The following EYA4 variants were observed in gnomAD, a reference collection of about 807,000 sequenced individuals.
EYA4 encodes protein phosphatase EYA4.
In EYA4, 31 loss-of-function variants were observed where a neutral mutation model predicts 87.9. The ratio of observed to expected loss-of-function variants is 0.35; its 90% CI spans 0.27 to 0.48. The LOEUF (loss-of-function observed/expected upper bound fraction) is 0.48. Among genes scored for constraint, EYA4 ranks in the 20% least tolerant of loss-of-function variants. The pLI is 0.99. For synonymous variants in EYA4, 263 were observed against 270.6 expected, an observed-to-expected ratio of 0.97 and a Z score of 0.28; for missense variants, 678 against 761.4, an observed-to-expected ratio of 0.89 and a Z score of 1.29.
chr6:133,347,989 G>A (rs188374964), intron 2 of EYA4, among the ~76,000 whole-genome samples: 1 of 152,312 alleles, frequency 6.6e-6, no homozygotes, highest in East Asian at 1.9e-4. Context: ...ATATTGGATA[G>A]GTCAAAGAGT....
At chr6:133,280,043 G>T (rs1163517376) in intron 2 of EYA4, among the ~76,000 whole-genome samples, 1 of 152,118 alleles carries the variant, frequency 6.6e-6, no homozygotes, top group African/African-American at 2.4e-5. Flanking sequence ...AGGCATACTT[G>T]TACTGAATAT....
At chr6:133,302,649 AACTT>A (rs1370820866) in intron 2 of EYA4, among the ~76,000 whole-genome samples, 3 of 152,214 alleles carry the variant, frequency 2.0e-5, no homozygotes, top group Non-Finnish European at 2.9e-5. Flanking sequence ...CTTACACAAC[AACTT>A]ACTATTTATC....
intron 2 of EYA4, among the ~76,000 whole-genome samples, chr6:133,366,823 C>T (rs538941182): frequency 3.2e-4 from 48 of 152,236 alleles, no homozygotes; most frequent in African/African-American, 6.3e-4. Flanking sequence ...TTCAAAGTAG[C>T]AATTTAGGGG....
intron 3 of EYA4, among the ~76,000 whole-genome samples, chr6:133,399,796 T>A (rs1206771560): frequency 1.3e-5 from 2 of 152,128 alleles, no homozygotes; most frequent in African/African-American, 4.8e-5. Context: ...ATTTCCAGAG[T>A]AGGTTTCTTA....
chr6:133,412,073 G>A (rs1054494967), intron 3 of EYA4, among the ~76,000 whole-genome samples: 6 of 152,148 alleles, frequency 3.9e-5, no homozygotes, highest in Non-Finnish European at 7.4e-5. Context: ...AAAGTAGAGG[G>A]TTATTAAGCT....
At chr6:133,334,784 T>A (rs1401481369) in intron 2 of EYA4, among the ~76,000 whole-genome samples, 1 of 152,172 alleles carries the variant, frequency 6.6e-6, no homozygotes, top group Non-Finnish European at 1.5e-5. Flanking sequence ...ACTCTGAAGA[T>A]CTTGGTAAGT....
chr6:133,493,785 G>A (rs1797394534), intron 13 of EYA4, among the ~76,000 whole-genome samples: 1 of 152,082 alleles, frequency 6.6e-6, no homozygotes, highest in Admixed American at 6.5e-5. Context: ...CAAGAAATTT[G>A]AATAGATATT....
In EYA4 at chr6:133,377,603, TGGC is replaced by T. The variant is rs1264815331; in HGVS notation, c.34-4786_34-4784del. ...TTTTTTTTGGCTGTTTTTGGGGTGG[TGGC>T]GGAGGTGGATGCTAGAGATATCTGG... On this transcript the variant is annotated intron_variant, in intron 2 of 19. Coordinates refer to ENST00000355286, the MANE Select transcript of EYA4 (RefSeq NM_004100.5). Among the ~76,000 whole-genome samples the T allele has an allele frequency of 3.1e-5, 4 of 130,146 alleles. No homozygotes were observed. The East Asian group carries it at 9.3e-4, about 30-fold the overall frequency. The allele number at this position is 130,146 out of a possible 152,430, so 85.4% of individuals were successfully genotyped here.
At chr6:133,433,603 C>G (rs1021366599) in intron 3 of EYA4, among the ~76,000 whole-genome samples, 8 of 152,172 alleles carry the variant, frequency 5.3e-5, no homozygotes, top group Non-Finnish European at 8.8e-5. Context: ...ATCCACCCAC[C>G]TTGGCCTCCC....
intron 3 of EYA4, among the ~76,000 whole-genome samples, chr6:133,429,880 A>G (rs140878209): frequency 2.2e-4 from 33 of 152,286 alleles, no homozygotes; most frequent in African/African-American, 7.7e-4. Context: ...TATAATTTCA[A>G]CTTTTAGAAT....
chr6:133,526,933 G>A (rs1800687809), intron 19 of EYA4, among the ~76,000 whole-genome samples: 1 of 152,126 alleles, frequency 6.6e-6, no homozygotes, highest in African/African-American at 2.4e-5. Flanking sequence ...ATATAATTCA[G>A]TTTTCCAAAC....
chr6:133,468,563 C>T lies in EYA4; in HGVS notation c.805-3C>T, dbSNP rs1395282852. 2 of 1,604,758 alleles carry T rather than the reference C, an allele frequency of 1.2e-6. No homozygotes were observed. The highest frequency in any genetic ancestry group is 1.3e-5 in the African/African-American group (1 of 74,494). On this transcript the variant is annotated splice_region_variant and splice_polypyrimidine_tract_variant and intron_variant, in intron 10 of 19. Transcript: ENST00000355286. ...AACACACACATCTCAATTATTGTTT[C>T]AGGATTATCCATCCTATACAGCCTT... is the stretch of plus-strand genomic sequence containing the variant.
chr6:133,469,423 G>A (rs960899949), intron 11 of EYA4, among the ~76,000 whole-genome samples: 3 of 151,940 alleles, frequency 2.0e-5, no homozygotes, highest in Non-Finnish European at 2.9e-5. Context: ...AAATAAGAAC[G>A]AAGTTTGAAG....
At chr6:133,346,146 T>C (rs1489343499) in intron 2 of EYA4, among the ~76,000 whole-genome samples, 1 of 152,206 alleles carries the variant, frequency 6.6e-6, no homozygotes. Flanking sequence ...TTGATATGAT[T>C]GAAGTGATTG....
chr6:133,467,954 A>G (rs1006310005), intron 10 of EYA4, among the ~76,000 whole-genome samples: 3 of 152,120 alleles, frequency 2.0e-5, no homozygotes, highest in African/African-American at 7.2e-5. Flanking sequence ...AAACTAAATC[A>G]TTGAAAAGTT....
At chr6:133,480,046 A>T (rs1408593479) in intron 11 of EYA4, among the ~76,000 whole-genome samples, 1 of 152,200 alleles carries the variant, frequency 6.6e-6, no homozygotes. Flanking sequence ...TTTATATGTG[A>T]GTCATCACAG....
intron 13 of EYA4, among the ~76,000 whole-genome samples, chr6:133,483,566 A>C (rs1796415542): frequency 6.6e-6 from 1 of 151,924 alleles, no homozygotes; most frequent in Non-Finnish European, 1.5e-5. Context: ...CTGTGACTTG[A>C]GTACACATAT....
At chr6:133,502,072 ACTCTCT>A (rs767862152) in intron 13 of EYA4, among the ~76,000 whole-genome samples, 1 of 120,000 alleles carries the variant, frequency 8.3e-6, no homozygotes, top group African/African-American at 3.1e-5. Context: ...TCTCTCTCTC[ACTCTCT>A]CTCTCTCTCT....
chr6:133,452,298 T>C (rs117670094), intron 5 of EYA4, among the ~76,000 whole-genome samples: 2 of 152,258 alleles, frequency 1.3e-5, no homozygotes, highest in Non-Finnish European at 2.9e-5. Context: ...ATGGACACCT[T>C]AAACTGGTGC....
Sources: allele counts gnomAD v4.1 joint callset (sites outside exome capture counted in the v4.1 genomes callset), GRCh38; gene constraint gnomAD v4.1.1; transcripts MANE v1.5; gene names NCBI Gene and HGNC (gene_info 2026-07-23, HGNC 2026-07-21).